PTPRN2: variants seen among roughly 807,000 people sequenced by gnomAD.
The protein encoded by PTPRN2 is protein tyrosine phosphatase receptor type N2.
In PTPRN2, 74 loss-of-function variants were observed where a neutral mutation model predicts 118.8. The observed-to-expected ratio is 0.62, with a 90% CI of 0.52 to 0.76. PTPRN2 has a LOEUF of 0.76. PTPRN2 is among the 30% of genes least tolerant of loss of function. PTPRN2 has a pLI of 0.00. For synonymous variants in PTPRN2, 641 were observed against 608.0 expected, an observed-to-expected ratio of 1.05 and a Z score of -0.80; for missense variants, 1,481 against 1,394.4, an observed-to-expected ratio of 1.06 and a Z score of -0.99.
intron 2 of PTPRN2, among the ~76,000 whole-genome samples, chr7:158,446,351 C>T (rs1451213246): frequency 1.3e-5 from 2 of 152,222 alleles, no homozygotes; most frequent in Non-Finnish European, 2.9e-5. Context: ...TGTGGAAATT[C>T]CCAGGCCAGT....
At chr7:157,715,372 T>C (rs915230227) in intron 12 of PTPRN2, among the ~76,000 whole-genome samples, 4 of 151,966 alleles carry the variant, frequency 2.6e-5, no homozygotes, top group Non-Finnish European at 5.9e-5. Flanking sequence ...CCCGCTACCA[T>C]AAAGGAAGAA....
At chr7:158,483,896 G>A (rs933595788) in intron 2 of PTPRN2, among the ~76,000 whole-genome samples, 1 of 152,114 alleles carries the variant, frequency 6.6e-6, no homozygotes, top group Non-Finnish European at 1.5e-5. Context: ...CCAGCACTTC[G>A]GGAGGTCAAG....
chr7:158,062,541 C>T lies in PTPRN2; in HGVS notation c.1723+18757G>A, dbSNP rs143481931. 2.4e-3 allele frequency among the ~76,000 whole-genome samples: 365 copies of T among 152,314 alleles called. 2 individuals carry two copies. The highest frequency in any genetic ancestry group is 7.8e-3 in the African/African-American group (325 of 41,578). On this transcript the variant is annotated intron_variant, in intron 11 of 22. Coordinates refer to ENST00000389418, the MANE Select transcript of PTPRN2 (RefSeq NM_002847.5). ...TCTCTGGGCTGGCCAAGGCCTGAGC[C>T]GGCTCCCTCTGCTTGTGGGGAGGTG...
intron 19 of PTPRN2, among the ~76,000 whole-genome samples, chr7:157,571,864 TA>T (rs757346211): frequency 6.8e-6 from 1 of 147,968 alleles, no homozygotes; most frequent in Non-Finnish European, 1.5e-5. Context: ...GATTCTTCAC[TA>T]AAATTTTTGA....
Position 158,270,779 on chromosome 7 carries a change from G to GGCCGCCCCCTCC in PTPRN2, c.277+46039_277+46040insGGAGGGGGCGGC, listed in dbSNP as rs1563067139. On this transcript the variant is annotated intron_variant, in intron 3 of 22. Coordinates refer to ENST00000389418, the MANE Select transcript of PTPRN2 (RefSeq NM_002847.5). ...CCACCTGGACCACCCCGTCCACCTG[G>GGCCGCCCCCTCC]ACCACCCCTCCACCTGGACCACCCC... Among the ~76,000 whole-genome samples, 3 of 117,338 alleles carry GGCCGCCCCCTCC rather than the reference G, an allele frequency of 2.6e-5. 1 individual carries two copies. The highest frequency in any genetic ancestry group is 1.2e-4 in the African/African-American group (3 of 25,162). The allele number at this position is 117,338 out of a possible 152,430, so 77.0% of individuals were successfully genotyped here. A position where few individuals can be genotyped will look rare whatever the true frequency, so the allele number is the denominator to read the frequency against.
intron 11 of PTPRN2, among the ~76,000 whole-genome samples, chr7:157,973,486 A>G (rs6978228): frequency 0.014 from 2,180 of 152,292 alleles, 36 homozygotes; most frequent in African/African-American, 0.042. Context: ...ATTTATATAC[A>G]CCATTTAAAT....
intron 17 of PTPRN2, among the ~76,000 whole-genome samples, chr7:157,581,770 T>C (rs575674345): frequency 9.2e-5 from 14 of 152,356 alleles, no homozygotes; most frequent in Admixed American, 3.3e-4. Flanking sequence ...ATCCCTGGTA[T>C]CTATGAATGT....
chr7:158,352,402 T>C (rs1808072438), intron 2 of PTPRN2, among the ~76,000 whole-genome samples: 2 of 152,014 alleles, frequency 1.3e-5, no homozygotes, highest in African/African-American at 2.4e-5. Flanking sequence ...GGAGCAAACT[T>C]ACACAAGCAC....
rs1007538298 is a variant in PTPRN2, at chr7:157,627,363, C to T, written c.2197-5854G>A. On this transcript the variant is annotated intron_variant, in intron 14 of 22. Coordinates refer to ENST00000389418, the MANE Select transcript of PTPRN2 (RefSeq NM_002847.5). This position sits in a 1 kb window ranked among gnomAD's most constrained non-coding sequence, Gnocchi z 4.2. ...ACCAGAGGGAGTGAGCCAGTGAAGG[C>T]GGGATTGCACCACAATGCGTGCTCA... is the stretch of plus-strand genomic sequence containing the variant. Among the ~76,000 whole-genome samples, 34 of 152,170 alleles carry T rather than the reference C, an allele frequency of 2.2e-4. No individual in the cohort carries two copies. Among genetic ancestry groups the T allele is most frequent in the African/African-American group, 7.0e-4 (29 of 41,452 alleles).
At chr7:158,331,425 T>A (rs1586302003) in intron 2 of PTPRN2, among the ~76,000 whole-genome samples, 1 of 144,192 alleles carries the variant, frequency 6.9e-6, no homozygotes, top group Non-Finnish European at 1.5e-5. Context: ...CCCACAGAGG[T>A]CACTCACACC....
intron 2 of PTPRN2, among the ~76,000 whole-genome samples, chr7:158,432,881 G>T (rs1017372483): frequency 1.3e-4 from 20 of 152,302 alleles, no homozygotes; most frequent in Non-Finnish European, 2.5e-4. Flanking sequence ...GAGGAAGGGG[G>T]AAGAGGCCCC....
intron 12 of PTPRN2, among the ~76,000 whole-genome samples, chr7:157,895,241 G>A (rs1797043049): frequency 6.6e-6 from 1 of 151,936 alleles, no homozygotes; most frequent in Non-Finnish European, 1.5e-5. Flanking sequence ...CATAAAATAA[G>A]CCAGAGGGTC....
chr7:158,534,627 G>C (rs10261281), intron 1 of PTPRN2, among the ~76,000 whole-genome samples: 68,889 of 152,012 alleles, frequency 0.45, 16,056 homozygotes, highest in South Asian at 0.67. Flanking sequence ...CACTCAGCTT[G>C]TCCACCACAG....
Position 157,703,033 on chromosome 7 carries a change from G to C in PTPRN2, c.1789-20096C>G, listed in dbSNP as rs144429411. ...AAGGGGAGAAAAGGAAGTATCGAAA[G>C]TTTGGAAAAATAGAGAAATAAGAAG... On this transcript the variant is annotated intron_variant, in intron 12 of 22. Transcript: ENST00000389418. 3.2e-4 allele frequency among the ~76,000 whole-genome samples: 48 copies of C among 152,340 alleles called. No individual in the cohort carries two copies. The East Asian group carries it at 9.1e-3, about 29-fold the overall frequency.
At chr7:158,219,045 G>T (rs947697456) in intron 3 of PTPRN2, among the ~76,000 whole-genome samples, 1 of 151,924 alleles carries the variant, frequency 6.6e-6, no homozygotes, top group Non-Finnish European at 1.5e-5. Flanking sequence ...AAGATATTCT[G>T]GACTCAAACT....
intron 12 of PTPRN2, chr7:157,864,041 C>G (rs553372939): frequency 1.3e-5 from 2 of 152,222 alleles, no homozygotes; most frequent in Non-Finnish European, 2.9e-5. Flanking sequence ...CCACCCTGCC[C>G]GAAGCCACGG....
intron 12 of PTPRN2, among the ~76,000 whole-genome samples, chr7:157,742,540 C>T (rs546548974): frequency 2.0e-5 from 3 of 148,838 alleles, no homozygotes; most frequent in Non-Finnish European, 1.5e-5. Context: ...CTGGAGTAAA[C>T]GATGAATGTG....
intron 10 of PTPRN2, among the ~76,000 whole-genome samples, chr7:158,096,419 C>T (rs1814629658): frequency 6.6e-6 from 1 of 152,230 alleles, no homozygotes; most frequent in Non-Finnish European, 1.5e-5. Context: ...AAACAAGGCT[C>T]CACCAATATT....
chr7:157,758,561 G>C (rs1408978132), intron 12 of PTPRN2, among the ~76,000 whole-genome samples: 2 of 152,238 alleles, frequency 1.3e-5, no homozygotes, highest in Non-Finnish European at 2.9e-5. Context: ...GGTGGCAGCT[G>C]CTGTGCTGGG....
Sources: gnomAD v4.1 joint callset for allele counts (sites outside exome capture counted in the v4.1 genomes callset) on GRCh38, gnomAD v4.1.1 for gene constraint, Gnocchi (gnomAD v3.1) non-coding constraint, MANE v1.5 for transcripts, NCBI Gene and HGNC (gene_info 2026-07-23, HGNC 2026-07-21) for gene names.